Variants in WDR12 observed in about 807,000 individuals in gnomAD.
WDR12 encodes the protein WD repeat domain 12, also known as ribosome biogenesis protein WDR12.
Under a neutral mutation model 64.3 loss-of-function variants are expected in WDR12, and 42 were observed. The observed-to-expected ratio is 0.65, with a 90% CI of 0.51 to 0.84. The LOEUF (loss-of-function observed/expected upper bound fraction) is 0.84. Ranked by LOEUF, WDR12 falls within the 40% of genes least tolerant of loss-of-function variation. The pLI is 0.00. For synonymous variants in WDR12, 158 were observed against 173.3 expected, an observed-to-expected ratio of 0.91 and a Z score of 0.70; for missense variants, 469 against 494.6, an observed-to-expected ratio of 0.95 and a Z score of 0.49.
intron 8 of WDR12, among the ~76,000 whole-genome samples, chr2:202,890,930 G>A (rs1688144729): frequency 6.9e-6 from 1 of 145,858 alleles, no homozygotes; most frequent in South Asian, 2.2e-4. Context: ...GGAGTTTGAG[G>A]TTATAGTGAG....
chr2:202,891,700 C>G (rs908902724), intron 8 of WDR12, among the ~76,000 whole-genome samples: 1 of 152,114 alleles, frequency 6.6e-6, no homozygotes, highest in Non-Finnish European at 1.5e-5. Context: ...CAAATGTGTG[C>G]TTTATTTACT....
chr2:202,906,225 G>A (rs915246906), intron 2 of WDR12, among the ~76,000 whole-genome samples: 23 of 152,170 alleles, frequency 1.5e-4, no homozygotes, highest in Middle Eastern at 6.8e-3. Flanking sequence ...CTATATAACA[G>A]TTTTGAAATT....
chr2:202,903,450 AGG>A (rs1688388156), intron 2 of WDR12, among the ~76,000 whole-genome samples: 2 of 5,018 alleles, frequency 4.0e-4, no homozygotes, highest in Non-Finnish European at 8.8e-3. Context: ...ATCAGATGGA[AGG>A]AAGGAAGGAA....
At chr2:202,882,817 T>C in intron 11 of WDR12, 34 bp from the exon 12 acceptor site, 1 of 1,592,156 alleles carries the variant, frequency 6.3e-7, no homozygotes, top group African/African-American at 1.3e-5. Flanking sequence ...ATTATATGCA[T>C]TCACAGTGTT....
In WDR12 at chr2:202,884,961, T is replaced by C. The variant is rs533061770; in HGVS notation, c.742-426A>G. Among the ~76,000 whole-genome samples, 361 of 152,294 alleles carry C rather than the reference T, an allele frequency of 2.4e-3. 1 individual carries two copies. The highest frequency in any genetic ancestry group is 8.0e-3 in the African/African-American group (332 of 41,560). On this transcript the variant is annotated intron_variant, in intron 8 of 12. Coordinates refer to ENST00000261015, the MANE Select transcript of WDR12 (RefSeq NM_018256.4). ...CTGATGGATACAGTTTCTCCCCCCCTCTTTTCTTCTTGCCTGTAGTTCTCA... is the reference window on the plus strand; with the variant it reads ...CTGATGGATACAGTTTCTCCCCCCCCCTTTTCTTCTTGCCTGTAGTTCTCA...
At chr2:202,889,560 C>T (rs1688110388) in intron 8 of WDR12, among the ~76,000 whole-genome samples, 1 of 151,836 alleles carries the variant, frequency 6.6e-6, no homozygotes, top group Non-Finnish European at 1.5e-5. Flanking sequence ...TATCAAAGAT[C>T]CAGGGCTTAT....
intron 4 of WDR12, among the ~76,000 whole-genome samples, chr2:202,897,755 G>A (rs919730479): frequency 1.3e-5 from 2 of 149,198 alleles, no homozygotes; most frequent in Non-Finnish European, 3.0e-5. Flanking sequence ...CAGGCATGGT[G>A]GCGGGTGCCT....
At chr2:202,892,826 T>C in intron 7 of WDR12, 124 bp from the exon 8 acceptor site, 1 of 495,066 alleles carries the variant, frequency 2.0e-6, no homozygotes, top group Non-Finnish European at 3.4e-6. Flanking sequence ...GAATGAATAT[T>C]CCTCATCATT....
rs1050820780 is a variant in WDR12, at chr2:202,881,051, A to G, written c.1195-114T>C. ...TTCATTACAAAAGGAATTATGGGTG[A>G]GCAGTTAACTTGCATTGAGAGTGAG... On this transcript the variant is annotated intron_variant, in intron 12 of 12. Transcript: ENST00000261015. 1.0e-5 allele frequency: 9 copies of G among 896,154 alleles called. No individual in the cohort carries two copies. In the African/African-American group the frequency reaches 1.0e-4, roughly 10 times the overall value. The allele number at this position is 896,154 out of a possible 1,614,324, so 55.5% of individuals were successfully genotyped here.
At chr2:202,905,724 T>C (rs555399958) in intron 2 of WDR12, among the ~76,000 whole-genome samples, 10 of 152,236 alleles carry the variant, frequency 6.6e-5, no homozygotes, top group Middle Eastern at 3.4e-3. Flanking sequence ...TACAACAACA[T>C]GGGTAGAATT....
chr2:202,904,160 A>G lies in WDR12; in HGVS notation c.137-3041T>C, dbSNP rs796412045. 2.5e-3 allele frequency among the ~76,000 whole-genome samples: 369 copies of G among 149,396 alleles called. 1 individual carries two copies. Among genetic ancestry groups the G allele is most frequent in the Admixed American group, 7.7e-3 (114 of 14,898 alleles). On this transcript the variant is annotated intron_variant, in intron 2 of 12. Transcript: ENST00000261015. ...TCTCAAAAAAAAAAAAAAAAAAAAAAAAAAGAAAAGAAAAAGAAAAAAAGA... is the reference window on the plus strand; with the variant it reads ...TCTCAAAAAAAAAAAAAAAAAAAAAGAAAAGAAAAGAAAAAGAAAAAAAGA...
chr2:202,886,923 A>T (rs1007199758), intron 8 of WDR12, among the ~76,000 whole-genome samples: 1 of 152,230 alleles, frequency 6.6e-6, no homozygotes, highest in African/African-American at 2.4e-5. Flanking sequence ...TTTTCAGTAA[A>T]GAACCAGCAA....
chr2:202,890,039 T>C (rs181128300), intron 8 of WDR12, among the ~76,000 whole-genome samples: 1 of 151,470 alleles, frequency 6.6e-6, no homozygotes, highest in East Asian at 2.0e-4. Flanking sequence ...CCAACCTGGG[T>C]GACATGACAA....
At position 202,884,375 on chromosome 2, in the gene WDR12, G is replaced by A. The variant is rs1490436519; in HGVS notation, c.882+20C>T. ...ATCTCTAGAAGTTTATCACTTAAAA[G>A]AACACTGAATTTGTCTTACCAAAGT... On this transcript the variant is annotated intron_variant, in intron 9 of 12. Transcript: ENST00000261015. 1.3e-5 allele frequency: 21 copies of A among 1,613,716 alleles called. No homozygotes were observed. Among genetic ancestry groups the A allele is most frequent in the Non-Finnish European group, 1.7e-5 (20 of 1,179,952 alleles).
rs1388526244 is a variant in WDR12, at chr2:202,880,610, G to A, written c.*250C>T. On this transcript the variant is annotated 3_prime_UTR_variant, in exon 13 of 13. Coordinates refer to ENST00000261015, the MANE Select transcript of WDR12 (RefSeq NM_018256.4). ...CTGAATTCAAACCAATACCTTTAAA[G>A]AGAAATGTAAAACTCAGTTTAATTT... The A allele has an allele frequency of 1.8e-5, 4 of 221,236 alleles. No homozygotes were observed. The highest frequency in any genetic ancestry group is 2.6e-5 in the Non-Finnish European group (3 of 113,916). 13.7% of individuals were successfully genotyped at this position (221,236 alleles called of 1,614,324 possible). A position where few individuals can be genotyped will look rare whatever the true frequency, so the allele number is the denominator to read the frequency against.
At chr2:202,902,737 C>T (rs909446253) in intron 2 of WDR12, among the ~76,000 whole-genome samples, 1 of 152,148 alleles carries the variant, frequency 6.6e-6, no homozygotes, top group South Asian at 2.1e-4. Flanking sequence ...GGCCTCCTTG[C>T]TCCTCATCTT....
intron 7 of WDR12, 75 bp from the exon 8 acceptor site, chr2:202,892,777 T>C: frequency 1.9e-6 from 2 of 1,072,180 alleles, no homozygotes; most frequent in Admixed American, 2.1e-5. Flanking sequence ...ATTCTTTACA[T>C]TTCCAGATAT....
chr2:202,881,895 C>A (rs1347760816), intron 12 of WDR12, among the ~76,000 whole-genome samples: 2 of 151,600 alleles, frequency 1.3e-5, no homozygotes, highest in African/African-American at 4.9e-5. Flanking sequence ...ACTATACTCA[C>A]AAGAAAAAAA....
At chr2:202,882,230 A>G (rs989280970) in intron 12 of WDR12, among the ~76,000 whole-genome samples, 1 of 152,116 alleles carries the variant, frequency 6.6e-6, no homozygotes, top group African/African-American at 2.4e-5. Context: ...TGCCTGGCCT[A>G]TTAAAGGACA....
Sources: gnomAD v4.1 joint callset for allele counts (sites outside exome capture counted in the v4.1 genomes callset) on GRCh38, gnomAD v4.1.1 for gene constraint, MANE v1.5 for transcripts, NCBI Gene and HGNC (gene_info 2026-07-23, HGNC 2026-07-21) for gene names.